The following NCOA2 variants were observed in gnomAD, a reference collection of about 807,000 sequenced individuals.
The protein encoded by NCOA2 is nuclear receptor coactivator 2, also known as class E basic helix-loop-helix protein 75.
Under a neutral mutation model 145.1 loss-of-function variants are expected in NCOA2, and 21 were observed. The ratio of observed to expected loss-of-function variants is 0.14; its 90% CI spans 0.10 to 0.21. The LOEUF (loss-of-function observed/expected upper bound fraction) is 0.21. NCOA2 is among the 10% of genes least tolerant of loss of function. The pLI, the probability that NCOA2 is intolerant of heterozygous loss-of-function variation, is 1.00. For synonymous variants in NCOA2, 619 were observed against 637.5 expected, an observed-to-expected ratio of 0.97 and a Z score of 0.44; for missense variants, 1,472 against 1,837.6, an observed-to-expected ratio of 0.80 and a Z score of 3.64.
intron 1 of NCOA2, among the ~76,000 whole-genome samples, chr8:70,356,553 C>A (rs570754066): frequency 6.6e-6 from 1 of 152,252 alleles, no homozygotes; most frequent in East Asian, 1.9e-4. Context: ...TATTTTAATT[C>A]TAACGGTGTG....
chr8:70,152,595 C>G (rs1811863989), intron 11 of NCOA2, among the ~76,000 whole-genome samples: 2 of 152,282 alleles, frequency 1.3e-5, no homozygotes, highest in East Asian at 3.9e-4. Flanking sequence ...CCAGTAGTAT[C>G]GTTTGGTTAA....
At chr8:70,403,119 G>A (rs1291278696) in intron 1 of NCOA2, among the ~76,000 whole-genome samples, 1 of 150,186 alleles carries the variant, frequency 6.7e-6, no homozygotes, top group Non-Finnish European at 1.5e-5. Context: ...CCCGAGTCCT[G>A]CCTCCCCTCG....
rs555353196 is a variant in NCOA2 at position 70,270,115 on chromosome 8, G to A, written c.-20+26629C>T. Among the ~76,000 whole-genome samples the A allele has an allele frequency of 2.6e-4, 40 of 152,066 alleles. 1 individual carries two copies. The South Asian group carries it at 7.9e-3, about 30-fold the overall frequency. ...GAGAATCACTTGAGCCAGGGAGGTC[G>A]AGGCTGCAGTGAGCAGTGATCTCAC... is the stretch of plus-strand genomic sequence containing the variant. On this transcript the variant is annotated intron_variant, in intron 2 of 22. Coordinates refer to ENST00000452400, the MANE Select transcript of NCOA2 (RefSeq NM_006540.4).
At chr8:70,138,481 T>C in intron 14 of NCOA2, 149 bp from the exon 15 acceptor site, 1 of 799,322 alleles carries the variant, frequency 1.3e-6, no homozygotes, top group East Asian at 2.9e-5. Flanking sequence ...AAGATAAAAT[T>C]CTGATTCTGA....
At chr8:70,213,758 T>A in intron 4 of NCOA2, 145 bp downstream of exon 4, 2 of 704,578 alleles carry the variant, frequency 2.8e-6, no homozygotes, top group South Asian at 4.4e-5. Flanking sequence ...CAAGTGATAC[T>A]TGCATTCATC....
chr8:70,426,687 C>T, the NCOA2 span, among the ~76,000 whole-genome samples: 1 of 152,186 alleles, frequency 6.6e-6, no homozygotes, highest in African/African-American at 2.4e-5. Flanking sequence ...ATTTCTTGCA[C>T]CTTGTTCTGT....
chr8:70,154,360 G>C (rs1812065313), intron 11 of NCOA2, among the ~76,000 whole-genome samples: 1 of 152,156 alleles, frequency 6.6e-6, no homozygotes, highest in Non-Finnish European at 1.5e-5. Flanking sequence ...TGATTCCCTA[G>C]GAAACGTCTC....
chr8:70,202,894 A>G (rs1279151527), intron 4 of NCOA2, among the ~76,000 whole-genome samples: 1 of 152,206 alleles, frequency 6.6e-6, no homozygotes, highest in African/African-American at 2.4e-5. Context: ...GGAAGGACCA[A>G]TGAAAATAGT....
chr8:70,116,985 ACT>A lies in NCOA2; in HGVS notation c.4384-3344_4384-3343del, dbSNP rs1807218311. ...GCCTCAAGCCACCTGAGTAGCTGTG[ACT>A]ACAAGCGTGCCACCCACTGTGCCTC... On this transcript the variant is annotated intron_variant, in intron 22 of 22. Transcript: ENST00000452400. Among the ~76,000 whole-genome samples the A allele has an allele frequency of 2.0e-5, 3 of 152,368 alleles. No individual in the cohort carries two copies. In the South Asian group the frequency reaches 6.2e-4, roughly 32 times the overall value.
At chr8:70,212,751 G>T (rs1819175212) in intron 4 of NCOA2, among the ~76,000 whole-genome samples, 2 of 152,034 alleles carry the variant, frequency 1.3e-5, no homozygotes, top group Non-Finnish European at 2.9e-5. Flanking sequence ...ATAAAAGGCA[G>T]ATTTTAAAAA....
In NCOA2 at chr8:70,206,939, T is replaced by C. The variant is rs533551768; in HGVS notation, c.259+6964A>G. Among the ~76,000 whole-genome samples the C allele has an allele frequency of 5.3e-4, 81 of 152,328 alleles. 3 individuals are homozygous for C. The South Asian group carries it at 0.011, about 20-fold the overall frequency. On this transcript the variant is annotated intron_variant, in intron 4 of 22. Coordinates refer to ENST00000452400, the MANE Select transcript of NCOA2 (RefSeq NM_006540.4). ...TCCTCGAAGCCTGTGCCAGCTTCTT[T>C]AATAATCAACAGGCTTCTTTAATAA...
chr8:70,334,350 C>A (rs1172761460), intron 1 of NCOA2, among the ~76,000 whole-genome samples: 1 of 152,214 alleles, frequency 6.6e-6, no homozygotes, highest in East Asian at 1.9e-4. Flanking sequence ...ACACTTTAAG[C>A]CTTCCCTGTA....
At chr8:70,117,262 C>CT (rs1807248957) in intron 22 of NCOA2, among the ~76,000 whole-genome samples, 1 of 152,214 alleles carries the variant, frequency 6.6e-6, no homozygotes, top group African/African-American at 2.4e-5. Flanking sequence ...CACCAGTTCT[C>CT]TAAGTCTTCA....
chr8:70,131,320 A>G (rs1475118886), intron 16 of NCOA2, among the ~76,000 whole-genome samples: 2 of 152,242 alleles, frequency 1.3e-5, no homozygotes, highest in African/African-American at 4.8e-5. Flanking sequence ...TTAACCCGCC[A>G]TTTTTAAAGG....
intron 2 of NCOA2, among the ~76,000 whole-genome samples, chr8:70,253,155 GGGAA>G (rs1171756114): frequency 6.6e-6 from 1 of 152,170 alleles, no homozygotes; most frequent in Non-Finnish European, 1.5e-5. Flanking sequence ...TGGCAAGCAT[GGGAA>G]AAGAGGGAAA....
At chr8:70,321,949 T>C (rs78946664) in intron 1 of NCOA2, among the ~76,000 whole-genome samples, 57 of 151,626 alleles carry the variant, frequency 3.8e-4, no homozygotes, top group Non-Finnish European at 6.2e-4. Flanking sequence ...GCAAACATGG[T>C]GAAACCTCAT....
At chr8:70,451,217 CAAAA>C in the NCOA2 span, among the ~76,000 whole-genome samples, 18 of 65,332 alleles carry the variant, frequency 2.8e-4, no homozygotes, top group East Asian at 4.6e-4. Flanking sequence ...GACTCCGTCT[CAAAA>C]AAAAAAAAAA....
At chr8:70,260,329 C>T (rs1469436997) in intron 2 of NCOA2, among the ~76,000 whole-genome samples, 1 of 152,070 alleles carries the variant, frequency 6.6e-6, no homozygotes, top group African/African-American at 2.4e-5. Flanking sequence ...GACAAGGTTT[C>T]ACCACGTTGC....
intron 2 of NCOA2, among the ~76,000 whole-genome samples, chr8:70,223,980 T>G (rs556195217): frequency 6.6e-6 from 1 of 152,370 alleles, no homozygotes; most frequent in South Asian, 2.1e-4. Context: ...ACAGTATCAC[T>G]GTGAAATGTA....
Sources: allele counts gnomAD v4.1 joint callset (sites outside exome capture counted in the v4.1 genomes callset), GRCh38; gene constraint gnomAD v4.1.1; transcripts MANE v1.5; gene names NCBI Gene and HGNC (gene_info 2026-07-23, HGNC 2026-07-21).